TRIM16: variants seen among roughly 807,000 people sequenced by gnomAD.
The protein encoded by TRIM16 is tripartite motif containing 16.
A neutral mutation model predicts 50.4 loss-of-function variants in TRIM16; 33 were observed. The ratio of observed to expected loss-of-function variants is 0.65; its 90% CI spans 0.50 to 0.88. The LOEUF (loss-of-function observed/expected upper bound fraction) is 0.88, where lower values mean the gene tolerates loss of function less well. Ranked by LOEUF, TRIM16 falls within the 40% of genes least tolerant of loss-of-function variation. TRIM16 has a pLI of 0.00. For missense variants in TRIM16, 581 were observed against 686.8 expected, an observed-to-expected ratio of 0.85 and a Z score of 1.72; for synonymous variants, 229 against 270.7, an observed-to-expected ratio of 0.85 and a Z score of 1.51.
rs542547180 is a variant in TRIM16 at position 15,678,744 on chromosome 17, T to A, written c.-589-1023A>T. Reference sequence around the variant, plus strand: ...CAGTTATTAGTAAGCCAACCCAAACTAATTCAGAAATCAGCACCTTCAAGT... The same window carrying A: ...CAGTTATTAGTAAGCCAACCCAAACAAATTCAGAAATCAGCACCTTCAAGT... On this transcript the variant is annotated intron_variant, in intron 4 of 11. Coordinates refer to ENST00000649191, the MANE Select transcript of TRIM16 (RefSeq NM_001348119.1). Among the ~76,000 whole-genome samples the A allele has an allele frequency of 1.1e-4, 17 of 152,354 alleles. No homozygotes were observed. The South Asian group carries it at 3.5e-3, about 32-fold the overall frequency.
intron 3 of TRIM16, chr17:15,681,325 G>C (rs1989173504): frequency 6.2e-6 from 1 of 160,912 alleles, no homozygotes; most frequent in African/African-American, 2.4e-5. Context: ...CAATTTTGTA[G>C]AACAAGAAAA....
At chr17:15,652,386 C>G (rs1431804958) in intron 6 of TRIM16, among the ~76,000 whole-genome samples, 1 of 148,924 alleles carries the variant, frequency 6.7e-6, no homozygotes. Context: ...GTCTTGAACC[C>G]CTGATCTCGT....
At chr17:15,650,349 T>C (rs919872604) in intron 7 of TRIM16, among the ~76,000 whole-genome samples, 1 of 152,222 alleles carries the variant, frequency 6.6e-6, no homozygotes, top group African/African-American at 2.4e-5. Context: ...GCCAAACCAA[T>C]TTCCAGGAAC....
intron 6 of TRIM16, chr17:15,658,724 A>G: frequency 2.3e-6 from 2 of 870,934 alleles, no homozygotes; most frequent in Non-Finnish European, 2.8e-6. Context: ...TTTCTCGTAA[A>G]ATCTCAAAGT....
At chr17:15,669,668 C>T (rs1241473712) in intron 6 of TRIM16, among the ~76,000 whole-genome samples, 1 of 152,154 alleles carries the variant, frequency 6.6e-6, no homozygotes, top group South Asian at 2.1e-4. Context: ...AATAGATTCG[C>T]TATTACAATC....
rs886916 is a variant in TRIM16, at chr17:15,636,909, C to G, written c.616-640G>C. 1.3e-5 allele frequency among the ~76,000 whole-genome samples: 2 copies of G among 149,436 alleles called. 1 individual carries two copies. Among genetic ancestry groups the G allele is most frequent in the African/African-American group, 4.9e-5 (2 of 40,600 alleles). ...AACATTAAGGGTTTGAATGATGGGG[C>G]ACATGCATGTGGACTCTTTTGCATG... On this transcript the variant is annotated intron_variant, in intron 8 of 11. Transcript: ENST00000649191.
At chr17:15,676,848 A>G (rs1988973105) in intron 6 of TRIM16, among the ~76,000 whole-genome samples, 2 of 152,158 alleles carry the variant, frequency 1.3e-5, no homozygotes. Context: ...CATATTTCTT[A>G]TATAGCAGAA....
At position 15,683,126 on chromosome 17, in the gene TRIM16, C is replaced by G; in HGVS notation, c.-867G>C. ...AGCAACCTTTCCGTTCTCCACGTAT[C>G]TTCCTGGAAATTGCCAGCATTCTAC... On this transcript the variant is annotated 5_prime_UTR_variant, in exon 2 of 12. Transcript: ENST00000649191. 2 of 1,550,370 alleles carry G rather than the reference C, an allele frequency of 1.3e-6. No homozygotes were observed. The highest frequency in any genetic ancestry group is 2.4e-5 in the South Asian group (2 of 84,000).
intron 6 of TRIM16, among the ~76,000 whole-genome samples, chr17:15,653,538 G>A (rs1460570122): frequency 6.6e-6 from 1 of 152,176 alleles, no homozygotes; most frequent in Non-Finnish European, 1.5e-5. Flanking sequence ...TCCTTGGCTT[G>A]CAGATGGCTT....
Position 15,654,615 on chromosome 17 carries a change from T to C in TRIM16, c.-337-2669A>G, listed in dbSNP as rs551737257. 3.9e-5 allele frequency: 6 copies of C among 152,338 alleles called. No individual in the cohort carries two copies. In the East Asian group the frequency reaches 1.2e-3, roughly 29 times the overall value. 9.4% of individuals were successfully genotyped at this position (152,338 alleles called of 1,614,324 possible). A position where few individuals can be genotyped will look rare whatever the true frequency, so the allele number is the denominator to read the frequency against. On this transcript the variant is annotated intron_variant, in intron 6 of 11. Transcript: ENST00000649191. ...CCAGGCATTGTGAAGACGCTGTTTC[T>C]CTAGCTCTGCAGCTGCAAGGTCACT...
chr17:15,665,602 T>C (rs1312240927), intron 6 of TRIM16, among the ~76,000 whole-genome samples: 2 of 152,160 alleles, frequency 1.3e-5, no homozygotes, highest in Non-Finnish European at 2.9e-5. Flanking sequence ...TGATAACACA[T>C]TCTCCTGGCT....
intron 7 of TRIM16, among the ~76,000 whole-genome samples, chr17:15,647,113 C>A (rs1987426317): frequency 6.6e-6 from 1 of 151,824 alleles, no homozygotes; most frequent in South Asian, 2.1e-4. Flanking sequence ...ATTATAGGCG[C>A]CTGCTACTGT....
intron 11 of TRIM16, 135 bp from the exon 12 acceptor site, chr17:15,629,333 C>T (rs1341154125): frequency 1.6e-6 from 1 of 609,390 alleles, no homozygotes; most frequent in Non-Finnish European, 2.9e-6. Context: ...ACCCAGGCTG[C>T]TGTTTCCCTA....
chr17:15,643,821 T>C (rs1490852279), intron 7 of TRIM16, among the ~76,000 whole-genome samples: 1 of 152,246 alleles, frequency 6.6e-6, no homozygotes, highest in Non-Finnish European at 1.5e-5. Context: ...AGTGTAGGGT[T>C]GGAGCCAGAT....
intron 10 of TRIM16, 34 bp from the exon 11 acceptor site, chr17:15,631,748 G>C: frequency 1.9e-6 from 3 of 1,601,938 alleles, no homozygotes; most frequent in Non-Finnish European, 2.6e-6. Flanking sequence ...ATGCACACCT[G>C]TCCAGGTGGT....
At chr17:15,630,390 G>A (rs1986354748) in intron 11 of TRIM16, among the ~76,000 whole-genome samples, 1 of 152,156 alleles carries the variant, frequency 6.6e-6, no homozygotes, top group African/African-American at 2.4e-5. Context: ...GTGAGTGTTT[G>A]TTTCCTGCTT....
intron 6 of TRIM16, among the ~76,000 whole-genome samples, chr17:15,653,629 A>C (rs1007666766): frequency 2.0e-5 from 3 of 152,220 alleles, no homozygotes; most frequent in Non-Finnish European, 1.5e-5. Context: ...CAGTAAGACT[A>C]GATTAGGGCC....
At chr17:15,637,344 A>G (rs1301613280) in intron 8 of TRIM16, among the ~76,000 whole-genome samples, 39 of 56,770 alleles carry the variant, frequency 6.9e-4, no homozygotes, top group South Asian at 1.5e-3. Context: ...CGGGAGGGAG[A>G]TGGGGGGGTC....
chr17:15,678,878 C>CTTT (rs55929822), intron 4 of TRIM16, among the ~76,000 whole-genome samples: 4,962 of 75,132 alleles, frequency 0.066, 221 homozygotes, highest in East Asian at 0.2. Flanking sequence ...GCAGACTCTC[C>CTTT]TTTTTTTTTT....
Sources: gnomAD v4.1 joint callset for allele counts (sites outside exome capture counted in the v4.1 genomes callset) on GRCh38, gnomAD v4.1.1 for gene constraint, MANE v1.5 for transcripts, NCBI Gene and HGNC (gene_info 2026-07-23, HGNC 2026-07-21) for gene names.